The following DENND6A variants were observed in gnomAD, a reference collection of about 807,000 sequenced individuals.
DENND6A encodes protein DENND6A.
DENND6A carries 43 observed loss-of-function variants against 95.5 expected under a neutral mutation model. The observed-to-expected ratio is 0.45, with a 90% CI of 0.35 to 0.58. The LOEUF is 0.58. DENND6A is among the 20% of genes least tolerant of loss of function. The pLI is 0.00. For synonymous variants in DENND6A, 257 were observed against 260.4 expected (o/e 0.99, Z 0.13); for missense variants, 574 against 736.0 (o/e 0.78, Z 2.55).
chr3:57,657,134 A>G (rs1230365641), intron 9 of DENND6A, among the ~76,000 whole-genome samples: 1 of 152,182 alleles, frequency 6.6e-6, no homozygotes, highest in Admixed American at 6.5e-5. Context: ...CTCTGGGTAA[A>G]GGCACAAACA....
intron 1 of DENND6A, among the ~76,000 whole-genome samples, chr3:57,673,997 T>C (rs2071663594): frequency 6.6e-6 from 1 of 152,168 alleles, no homozygotes; most frequent in South Asian, 2.1e-4. Flanking sequence ...CTCGAAATCC[T>C]GACCTCAGGT....
intron 11 of DENND6A, 28 bp downstream of exon 11, chr3:57,645,633 C>T: frequency 1.3e-6 from 2 of 1,537,970 alleles, no homozygotes; most frequent in Middle Eastern, 1.9e-4. Context: ...AAGGTAATAC[C>T]TGGTCAATAG....
intron 11 of DENND6A, among the ~76,000 whole-genome samples, chr3:57,642,949 T>C (rs1575824227): frequency 6.9e-6 from 1 of 144,658 alleles, no homozygotes; most frequent in Non-Finnish European, 1.5e-5. Context: ...GAGGTTGCAG[T>C]GAGCCAAGAT....
chr3:57,692,692 C>A (rs2077280455), intron 1 of DENND6A, 90 bp downstream of exon 1: 1 of 1,230,078 alleles, frequency 8.1e-7, no homozygotes, highest in South Asian at 1.7e-5. Context: ...CGGACAGGGT[C>A]CTGGCCGGTC....
intron 1 of DENND6A, among the ~76,000 whole-genome samples, chr3:57,685,742 A>ATTTT (rs1559833686): frequency 7.7e-4 from 117 of 152,152 alleles, no homozygotes; most frequent in African/African-American, 2.7e-3. Flanking sequence ...TTTTTTTAAA[A>ATTTT]AAAAATTTGT....
chr3:57,663,739 G>C, intron 4 of DENND6A, 23 bp from the exon 5 acceptor site: 5 of 1,440,138 alleles, frequency 3.5e-6, no homozygotes, highest in Non-Finnish European at 4.8e-6. Flanking sequence ...TGACAAGTAA[G>C]TGTGTGTGGG....
chr3:57,657,757 TAAAAG>T lies in DENND6A; in HGVS notation c.763-27_763-23del, dbSNP rs762803803. On this transcript the variant is annotated intron_variant, in intron 8 of 19. Coordinates refer to ENST00000311128, the MANE Select transcript of DENND6A (RefSeq NM_152678.3). ...CCACCTGAGAGATAGAAAAGAAAAA[TAAAAG>T]AAGGTATCACCAAAATTTATGGAAA... 7 of 1,520,292 alleles carry T rather than the reference TAAAAG, an allele frequency of 4.6e-6. No individual in the cohort carries two copies. In the South Asian group the frequency reaches 8.3e-5, roughly 18 times the overall value. The allele number at this position is 1,520,292 out of a possible 1,614,324, so 94.2% of individuals were successfully genotyped here. A position where few individuals can be genotyped will look rare whatever the true frequency, so the allele number is the denominator to read the frequency against.
chr3:57,667,437 G>A (rs1007670858), intron 3 of DENND6A, among the ~76,000 whole-genome samples: 7 of 152,184 alleles, frequency 4.6e-5, no homozygotes, highest in African/African-American at 1.7e-4. Flanking sequence ...GATTACAGGC[G>A]AGAGCCACCA....
In DENND6A at chr3:57,628,170, T is replaced by C. The variant is rs200286921; in HGVS notation, c.*44A>G. ...GCGTCTGGTTGAAATGTCAGTATGC[T>C]TCATGATGCATAATCCTTTTTGGCT... On this transcript the variant is annotated 3_prime_UTR_variant, in exon 20 of 20. Coordinates refer to ENST00000311128, the MANE Select transcript of DENND6A (RefSeq NM_152678.3). The C allele has an allele frequency of 6.3e-7, 1 of 1,592,968 alleles. No homozygotes were observed.
At chr3:57,663,449 G>C (rs1222047737) in intron 5 of DENND6A, among the ~76,000 whole-genome samples, 187 bp downstream of exon 5, 1 of 110,100 alleles carries the variant, frequency 9.1e-6, no homozygotes, top group Admixed American at 1.4e-4. Flanking sequence ...GGGTGACAGA[G>C]CGAGACTCCA....
At chr3:57,633,767 G>A (rs1385196856) in intron 14 of DENND6A, among the ~76,000 whole-genome samples, 1 of 151,844 alleles carries the variant, frequency 6.6e-6, no homozygotes, top group Non-Finnish European at 1.5e-5. Flanking sequence ...GCGGGCACCT[G>A]TAATCCCAGC....
intron 14 of DENND6A, 60 bp from the exon 15 acceptor site, chr3:57,633,414 ACTAT>A: frequency 7.4e-7 from 1 of 1,346,340 alleles, no homozygotes; most frequent in African/African-American, 1.5e-5. Flanking sequence ...ACAATGGATA[ACTAT>A]CAGATTCAAT....
chr3:57,628,876 G>A lies in DENND6A; in HGVS notation c.1630C>T (p.Leu544Phe). ...LEALCEEDLL[L>F]WIQKHTEVET... is the part of the protein sequence containing the mutation. ...ACTTCTGTGTGTTTCTGGATCCAGA[G>A]AAGTAAGTCCTAGAATAAATAAAGT... The change falls in exon 19 of 20, where the codon CTC becomes TTC. Residue 544 changes from leucine (L) to phenylalanine (F), a missense_variant. Leu to Phe is a conservative substitution (Grantham distance 22, BLOSUM62 0). Transcript: ENST00000311128. 6.2e-7 allele frequency: 1 copy of A among 1,612,688 alleles called. No individual in the cohort carries two copies. The highest frequency in any genetic ancestry group is 8.5e-7 in the Non-Finnish European group (1 of 1,179,680).
intron 1 of DENND6A, among the ~76,000 whole-genome samples, chr3:57,680,292 T>C (rs954346144): frequency 3.3e-5 from 5 of 152,244 alleles, no homozygotes; most frequent in African/African-American, 7.2e-5. Flanking sequence ...CATAAATAAA[T>C]TGGATATCAT....
chr3:57,669,455 C>CCTCT (rs1327060115), intron 3 of DENND6A, among the ~76,000 whole-genome samples: 2 of 152,002 alleles, frequency 1.3e-5, no homozygotes, highest in Non-Finnish European at 2.9e-5. Flanking sequence ...GTAGCTCACA[C>CCTCT]CTCTAATCTC....
chr3:57,635,026 C>T (rs929401408), intron 12 of DENND6A, among the ~76,000 whole-genome samples: 6 of 152,068 alleles, frequency 3.9e-5, no homozygotes, highest in Non-Finnish European at 7.4e-5. Flanking sequence ...TAATATCTAT[C>T]ATTACTTAAA....
intron 12 of DENND6A, among the ~76,000 whole-genome samples, chr3:57,640,250 C>CA (rs1420361909): frequency 2.1e-5 from 3 of 142,386 alleles, no homozygotes; most frequent in African/African-American, 7.9e-5. Context: ...GCCTGGGTGA[C>CA]AGAGTGAGAC....
At chr3:57,641,424 T>A (rs2153413248) in intron 12 of DENND6A, among the ~76,000 whole-genome samples, 1 of 147,956 alleles carries the variant, frequency 6.8e-6, no homozygotes, top group African/African-American at 2.5e-5. Context: ...ATATTATTAT[T>A]CTATAATAAT....
At chr3:57,692,102 C>G (rs921325885) in intron 1 of DENND6A, among the ~76,000 whole-genome samples, 6 of 151,802 alleles carry the variant, frequency 4.0e-5, no homozygotes, top group African/African-American at 1.5e-4. Context: ...TGGTCGCATG[C>G]CTGTAACCCC....
Sources: allele counts gnomAD v4.1 joint callset (sites outside exome capture counted in the v4.1 genomes callset), GRCh38; gene constraint gnomAD v4.1.1; transcripts MANE v1.5; gene names NCBI Gene and HGNC (gene_info 2026-07-23, HGNC 2026-07-21).